TRIM33: variants seen among roughly 807,000 people sequenced by gnomAD.
The protein encoded by TRIM33 is tripartite motif containing 33.
In TRIM33, 20 loss-of-function variants were observed where a neutral mutation model predicts 125.4. The observed-to-expected ratio is 0.16, with a 90% confidence interval of 0.11 to 0.23. The LOEUF (loss-of-function observed/expected upper bound fraction) is 0.23. TRIM33 is among the 10% of genes least tolerant of loss of function. The pLI is 1.00. For synonymous variants in TRIM33, 564 were observed against 513.9 expected (o/e 1.10, Z -1.32); for missense variants, 920 against 1,411.4 (o/e 0.65, Z 5.58).
rs1488905384 is a variant in TRIM33 at position 114,424,692 on chromosome 1, C to T, written c.1759G>A (p.Ala587Thr). The T allele has an allele frequency of 6.2e-7, 1 of 1,610,934 alleles. No homozygotes were observed. Among genetic ancestry groups the T allele is most frequent in the Non-Finnish European group, 8.5e-7 (1 of 1,178,304 alleles). Residue 587 changes from alanine (A) to threonine (T), a missense_variant, in exon 10 of 20, where the codon GCC (alanine) becomes ACC (threonine). Physicochemically the swap from Ala to Thr is moderately conservative, Grantham distance 58. This residue lies in a region of TRIM33 where 407 missense variants were observed against 589.7 expected (regional missense o/e 0.69). Coordinates refer to ENST00000358465, the MANE Select transcript of TRIM33 (RefSeq NM_015906.4). ...TTCTGAGCCAGTCTCATCTGATGGG[C>T]TTGAAAAGCTCCACAGTTCATGTTG... ...RGNMNCGAFQAHQMRLAQNAA... is the reference protein window; with the variant it reads ...RGNMNCGAFQTHQMRLAQNAA...
At chr1:114,451,717 A>G (rs1649324537) in intron 4 of TRIM33, among the ~76,000 whole-genome samples, 1 of 152,224 alleles carries the variant, frequency 6.6e-6, no homozygotes. Context: ...AGTGCTTACT[A>G]TGCTAAGCAC....
intron 12 of TRIM33, 97 bp downstream of exon 12, chr1:114,410,087 C>T: frequency 7.1e-7 from 1 of 1,415,146 alleles, no homozygotes; most frequent in Non-Finnish European, 9.9e-7. Context: ...AGTAGACCTC[C>T]TACTTATTCT....
At chr1:114,424,093 C>A (rs761959114) in intron 10 of TRIM33, among the ~76,000 whole-genome samples, 4 of 151,980 alleles carry the variant, frequency 2.6e-5, no homozygotes, top group Non-Finnish European at 5.9e-5. Flanking sequence ...TCTAAACACA[C>A]TTATTAAAGC....
Position 114,430,847 on chromosome 1 carries a change from A to C in TRIM33, c.1106T>G (p.Leu369Arg). The change falls in exon 6 of 20, where the codon CTT (leucine) becomes CGT (arginine). Residue 369 changes from leucine to arginine, a missense_variant. Physicochemically the swap from Leu to Arg is moderately radical, Grantham distance 102. Transcript: ENST00000358465. ...TCCTTTCTTATTAATTTCATTGATAAGGGTGAAAATGGCCACTTTAATTTC... is the reference window on the plus strand; with the variant it reads ...TCCTTTCTTATTAATTTCATTGATACGGGTGAAAATGGCCACTTTAATTTC... ...EQEIKVAIFT[L>R]INEINKKGKS... The C allele has an allele frequency of 3.1e-6, 5 of 1,610,182 alleles. No individual in the cohort carries two copies. Among genetic ancestry groups the C allele is most frequent in the Non-Finnish European group, 4.2e-6 (5 of 1,176,640 alleles).
At chr1:114,504,547 A>G (rs1652889728) in intron 1 of TRIM33, among the ~76,000 whole-genome samples, 1 of 152,184 alleles carries the variant, frequency 6.6e-6, no homozygotes, top group South Asian at 2.1e-4. Context: ...AAATTAGTGT[A>G]ATTATGAAAA....
At chr1:114,438,162 T>C (rs1648421577) in intron 4 of TRIM33, among the ~76,000 whole-genome samples, 1 of 152,214 alleles carries the variant, frequency 6.6e-6, no homozygotes, top group Non-Finnish European at 1.5e-5. Context: ...TCCTGTGCCC[T>C]ACTACTCTAC....
At chr1:114,437,657 G>T (rs1648392064) in intron 4 of TRIM33, among the ~76,000 whole-genome samples, 1 of 152,050 alleles carries the variant, frequency 6.6e-6, no homozygotes, top group South Asian at 2.1e-4. Flanking sequence ...ATTCTTGTGG[G>T]CTTTCTTAGT....
intron 1 of TRIM33, among the ~76,000 whole-genome samples, chr1:114,484,303 T>A (rs1047251447): frequency 1.3e-5 from 2 of 152,176 alleles, no homozygotes; most frequent in Non-Finnish European, 2.9e-5. Context: ...CACGTTTTAC[T>A]TTTTCTAAAT....
chr1:114,469,817 A>C (rs1226973815), intron 1 of TRIM33, among the ~76,000 whole-genome samples: 1 of 152,188 alleles, frequency 6.6e-6, no homozygotes. Context: ...AGACAAAATG[A>C]CCTGTCAATA....
chr1:114,462,991 C>T (rs1230974955), intron 4 of TRIM33, 113 bp downstream of exon 4: 1 of 790,498 alleles, frequency 1.3e-6, no homozygotes, highest in Non-Finnish European at 1.8e-6. Flanking sequence ...ATGTAAAATA[C>T]AGATTTAAAA....
intron 4 of TRIM33, among the ~76,000 whole-genome samples, chr1:114,448,565 C>T (rs762751467): frequency 5.9e-5 from 9 of 152,022 alleles, no homozygotes; most frequent in Non-Finnish European, 1.2e-4. Flanking sequence ...GGAAGGAAGT[C>T]GGGTTTAATC....
chr1:114,470,471 T>G (rs919795890), intron 1 of TRIM33, among the ~76,000 whole-genome samples: 1 of 152,150 alleles, frequency 6.6e-6, no homozygotes, highest in African/African-American at 2.4e-5. Flanking sequence ...AATCAATAAA[T>G]GTATTCTGAC....
intron 8 of TRIM33, among the ~76,000 whole-genome samples, 199 bp downstream of exon 8, chr1:114,426,978 G>A (rs6656393): frequency 6.6e-6 from 1 of 151,904 alleles, no homozygotes; most frequent in Non-Finnish European, 1.5e-5. Context: ...CAGAGTAGAC[G>A]CTCAACTTTC....
chr1:114,464,187 G>A (rs151225392), intron 2 of TRIM33, 83 bp downstream of exon 2: 1 of 670,826 alleles, frequency 1.5e-6, no homozygotes, highest in Non-Finnish European at 2.5e-6. Flanking sequence ...CACCCTAAAT[G>A]ACTTAACTAT....
intron 1 of TRIM33, among the ~76,000 whole-genome samples, chr1:114,479,322 C>G (rs1398636095): frequency 1.3e-5 from 2 of 152,026 alleles, no homozygotes; most frequent in Non-Finnish European, 2.9e-5. Context: ...GGGGAGAGAA[C>G]CACAAACAAA....
chr1:114,483,954 T>C (rs79390624), intron 1 of TRIM33, among the ~76,000 whole-genome samples: 20,253 of 152,082 alleles, frequency 0.13, 1,758 homozygotes, highest in Non-Finnish European at 0.19. Flanking sequence ...ACCGGAACAA[T>C]GAGATGACTG....
At position 114,511,096 on chromosome 1, in the gene TRIM33, C is replaced by T; in HGVS notation, c.-20G>A. 2 of 1,173,764 alleles carry T rather than the reference C, an allele frequency of 1.7e-6. No homozygotes were observed. Among genetic ancestry groups the T allele is most frequent in the South Asian group, 7.3e-5 (2 of 27,580 alleles). 72.7% of individuals were successfully genotyped at this position (1,173,764 alleles called of 1,614,324 possible). Reference sequence around the variant, plus strand: ...CGCCATGTTTTCCTCTTTGAACCCGCCGGACCGCCCCGCGCCGCCCGCCGC... The same window carrying T: ...CGCCATGTTTTCCTCTTTGAACCCGTCGGACCGCCCCGCGCCGCCCGCCGC... On this transcript the variant is annotated 5_prime_UTR_variant, in exon 1 of 20. Coordinates refer to ENST00000358465, the MANE Select transcript of TRIM33 (RefSeq NM_015906.4).
rs1553208022 is a variant in TRIM33 at position 114,419,218 on chromosome 1, AAAAGAAAG to A, written c.2061+2210_2061+2217del. Among the ~76,000 whole-genome samples, 5 of 148,308 alleles carry A rather than the reference AAAAGAAAG, an allele frequency of 3.4e-5. No homozygotes were observed. In the South Asian group the frequency reaches 1.1e-3, roughly 32 times the overall value. On this transcript the variant is annotated intron_variant, in intron 11 of 19. Transcript: ENST00000358465. Reference sequence around the variant, plus strand: ...ACCATCTCAAAAAAAAAAAAAAAAAAAAAGAAAGAAAGAATGAAAAAGAAAAAGAAAAA... The same window carrying A: ...ACCATCTCAAAAAAAAAAAAAAAAAAAAAGAATGAAAAAGAAAAAGAAAAA...
chr1:114,418,802 C>T (rs754682135), intron 11 of TRIM33, among the ~76,000 whole-genome samples: 1 of 152,118 alleles, frequency 6.6e-6, no homozygotes. Context: ...TGTGGCCCCA[C>T]CCAGAAGCGA....
Sources: gnomAD v4.1 joint callset for allele counts (sites outside exome capture counted in the v4.1 genomes callset) on GRCh38, gnomAD v4.1.1 for gene constraint, gnomAD v4.1.1 regional missense constraint, MANE v1.5 for transcripts, NCBI Gene and HGNC (gene_info 2026-07-23, HGNC 2026-07-21) for gene names.